Variants in IMPG2 observed in about 807,000 individuals in gnomAD.
The protein encoded by IMPG2 is interphotoreceptor matrix proteoglycan 2, also known as IPM 200.
In IMPG2, 91 loss-of-function variants were observed where a neutral mutation model predicts 129.2. The observed-to-expected ratio is 0.70, with a 90% CI of 0.59 to 0.84. IMPG2 has a LOEUF of 0.84. Ranked by LOEUF, IMPG2 falls within the 40% of genes least tolerant of loss-of-function variation. The pLI, the probability that IMPG2 is intolerant of heterozygous loss-of-function variation, is 0.00. For missense variants in IMPG2, 1,430 were observed against 1,461.7 expected, an observed-to-expected ratio of 0.98 and a Z score of 0.35; for synonymous variants, 510 against 517.7, an observed-to-expected ratio of 0.99 and a Z score of 0.20.
chr3:101,295,917 T>C (rs1038802552), intron 3 of IMPG2, among the ~76,000 whole-genome samples: 8 of 152,222 alleles, frequency 5.3e-5, no homozygotes, highest in Non-Finnish European at 1.2e-4. Context: ...TGATTTTGTA[T>C]CCTGAGACTG....
intron 9 of IMPG2, among the ~76,000 whole-genome samples, chr3:101,266,126 G>A (rs1559648891): frequency 6.6e-6 from 1 of 152,168 alleles, no homozygotes; most frequent in Non-Finnish European, 1.5e-5. Context: ...TATAGCCACT[G>A]TGGAAAACAA....
In IMPG2 at chr3:101,246,111, G is replaced by C. The variant is rs1186809984; in HGVS notation, c.1240-6C>G. 6.2e-7 allele frequency: 1 copy of C among 1,610,722 alleles called. No homozygotes were observed. Among genetic ancestry groups the C allele is most frequent in the Admixed American group, 1.7e-5 (1 of 59,276 alleles). ...GCAGCTTGAAAGGTATTATCCTGGG[G>C]GGAAAAAAAGGCTAAATCATATCAT... is the stretch of plus-strand genomic sequence containing the variant. On this transcript the variant is annotated splice_polypyrimidine_tract_variant and splice_region_variant and intron_variant, in intron 11 of 18. Coordinates refer to ENST00000193391, the MANE Select transcript of IMPG2 (RefSeq NM_016247.4).
In IMPG2 at chr3:101,317,997, A is replaced by G. The variant is rs1013263431; in HGVS notation, c.334+1587T>C. Among the ~76,000 whole-genome samples the G allele has an allele frequency of 3.3e-5, 5 of 151,888 alleles. No homozygotes were observed. In the South Asian group the frequency reaches 1.0e-3, roughly 32 times the overall value. On this transcript the variant is annotated intron_variant, in intron 2 of 18. Coordinates refer to ENST00000193391, the MANE Select transcript of IMPG2 (RefSeq NM_016247.4). ...ACAAAACAAAAAAAACTAGCTGGGC[A>G]TGGTGGCATGTGCCTGTAATCCCAG...
rs369593015 is a variant in IMPG2 at position 101,273,645 on chromosome 3, C to T, written c.764G>A (p.Arg255Lys). The stretch of plus-strand genomic sequence containing the variant: ...GCTGGAGGAATCCTGTAGTTCTTCC[C>T]TGTACTGCTTCCCCAAAAGGTGGAT... The part of the protein sequence containing the change: ...FSIHLLGKQY[R>K]EELQDSSSFH... Residue 255 changes from arginine (R) to lysine (K), a missense_variant, in exon 7 of 19, where the codon AGG becomes AAG. Physicochemically the swap from Arg to Lys is conservative, Grantham distance 26 (BLOSUM62 2). Coordinates refer to ENST00000193391, the MANE Select transcript of IMPG2 (RefSeq NM_016247.4). The T allele has an allele frequency of 6.2e-7, 1 of 1,613,938 alleles. No homozygotes were observed. The highest frequency in any genetic ancestry group is 1.3e-5 in the African/African-American group (1 of 74,882).
At chr3:101,227,614 G>A (rs1281825422) in intron 18 of IMPG2, among the ~76,000 whole-genome samples, 2 of 152,334 alleles carry the variant, frequency 1.3e-5, no homozygotes, top group African/African-American at 2.4e-5. Flanking sequence ...AAATGGAGCC[G>A]TGGGTCATCT....
At chr3:101,297,691 C>T (rs1251180715) in intron 3 of IMPG2, among the ~76,000 whole-genome samples, 1 of 152,196 alleles carries the variant, frequency 6.6e-6, no homozygotes, top group Non-Finnish European at 1.5e-5. Flanking sequence ...TGTTCAATTT[C>T]CATGTAACCA....
At chr3:101,259,701 G>A (rs112264666) in intron 9 of IMPG2, among the ~76,000 whole-genome samples, 142 of 152,112 alleles carry the variant, frequency 9.3e-4, no homozygotes, top group African/African-American at 3.2e-3. Flanking sequence ...ATATTAGTCA[G>A]CTAATTTATG....
chr3:101,287,911 A>G (rs1014484257), intron 4 of IMPG2, among the ~76,000 whole-genome samples: 10 of 152,328 alleles, frequency 6.6e-5, no homozygotes, highest in Admixed American at 5.9e-4. Flanking sequence ...TAAACTAAAG[A>G]GCTTTTGCAC....
At chr3:101,249,716 G>C (rs1043178701) in intron 11 of IMPG2, among the ~76,000 whole-genome samples, 10 of 151,290 alleles carry the variant, frequency 6.6e-5, no homozygotes, top group African/African-American at 2.2e-4. Context: ...AATGATCTGA[G>C]GACACAAAAT....
chr3:101,263,974 C>T (rs1706696796), intron 9 of IMPG2, among the ~76,000 whole-genome samples: 1 of 151,548 alleles, frequency 6.6e-6, no homozygotes, highest in African/African-American at 2.4e-5. Context: ...TAACCATATG[C>T]CAATAAATTT....
chr3:101,266,296 G>A (rs1427424171), intron 9 of IMPG2, among the ~76,000 whole-genome samples: 1 of 152,068 alleles, frequency 6.6e-6, no homozygotes. Flanking sequence ...CAAGATATGG[G>A]GTCAACCTGG....
At chr3:101,273,545 C>T in intron 7 of IMPG2, 36 bp downstream of exon 7, 1 of 1,601,714 alleles carries the variant, frequency 6.2e-7, no homozygotes, top group Non-Finnish European at 8.6e-7. Context: ...ACATAGCAGG[C>T]ATACTGCCTT....
chr3:101,296,181 T>C (rs578018300), intron 3 of IMPG2, among the ~76,000 whole-genome samples: 1 of 152,332 alleles, frequency 6.6e-6, no homozygotes, highest in South Asian at 2.1e-4. Flanking sequence ...CCATTCAGTA[T>C]GATATTGGGT....
intron 4 of IMPG2, among the ~76,000 whole-genome samples, chr3:101,280,362 A>C (rs1706879613): frequency 6.6e-6 from 1 of 152,212 alleles, no homozygotes; most frequent in Admixed American, 6.5e-5. Context: ...TGTGACCACA[A>C]AAGAACTCAA....
At chr3:101,246,570 T>A (rs1371470204) in intron 11 of IMPG2, among the ~76,000 whole-genome samples, 1 of 152,190 alleles carries the variant, frequency 6.6e-6, no homozygotes, top group Non-Finnish European at 1.5e-5. Context: ...ATGAAGGCCC[T>A]CTAGTTTGGT....
At chr3:101,291,885 C>T (rs996184308) in intron 3 of IMPG2, among the ~76,000 whole-genome samples, 9 of 152,158 alleles carry the variant, frequency 5.9e-5, no homozygotes, top group African/African-American at 2.2e-4. Context: ...TAGTAATTCT[C>T]ATCCTAGAAC....
At chr3:101,234,512 A>C (rs1392745249) in intron 14 of IMPG2, among the ~76,000 whole-genome samples, 1 of 152,156 alleles carries the variant, frequency 6.6e-6, no homozygotes, top group Non-Finnish European at 1.5e-5. Flanking sequence ...CTAGGAAACT[A>C]ATACAGGGGA....
At position 101,230,959 on chromosome 3, in the gene IMPG2, G is replaced by T; in HGVS notation, c.3420C>A (p.Phe1140Leu). Residue 1140 changes from phenylalanine to leucine, a missense_variant and splice_region_variant, in exon 16 of 19, where the codon TTC becomes TTA. Physicochemically the swap from Phe to Leu is conservative, Grantham distance 22. Transcript: ENST00000193391. ...HHDRSERESP[F>L]SGSSRQPDSL... The stretch of plus-strand genomic sequence containing the variant: ...AGAGAGCTCTTTTCCTTATTTACCT[G>T]AAGGGACTCTCTCTTTCACTCCTGT... 2 of 1,611,132 alleles carry T rather than the reference G, an allele frequency of 1.2e-6. No individual in the cohort carries two copies. Among genetic ancestry groups the T allele is most frequent in the Non-Finnish European group, 1.7e-6 (2 of 1,177,350 alleles).
chr3:101,236,444 C>T (rs562676896), intron 14 of IMPG2, among the ~76,000 whole-genome samples: 1 of 152,196 alleles, frequency 6.6e-6, no homozygotes, highest in South Asian at 2.1e-4. Flanking sequence ...CAGTCTGCAG[C>T]TCCCAGCGAG....
Sources: gnomAD v4.1 joint callset for allele counts (sites outside exome capture counted in the v4.1 genomes callset) on GRCh38, gnomAD v4.1.1 for gene constraint, MANE v1.5 for transcripts, NCBI Gene and HGNC (gene_info 2026-07-23, HGNC 2026-07-21) for gene names.